Variants in PTGER3 observed in about 807,000 individuals in gnomAD.
The protein encoded by PTGER3 is prostaglandin E receptor 3, also known as prostaglandin E2 receptor EP3 subtype.
Under a neutral mutation model 34.7 loss-of-function variants are expected in PTGER3, and 22 were observed. The ratio of observed to expected loss-of-function variants is 0.63; its 90% CI spans 0.45 to 0.91. The LOEUF is 0.91. Among genes scored for constraint, PTGER3 ranks in the 40% least tolerant of loss-of-function variants. PTGER3 has a pLI of 0.00. For synonymous variants in PTGER3, 241 were observed against 230.1 expected (o/e 1.05, Z -0.43); for missense variants, 468 against 519.4 (o/e 0.90, Z 0.96).
At chr1:70,973,764 A>G (rs544200163) in intron 3 of PTGER3, among the ~76,000 whole-genome samples, 4 of 152,300 alleles carry the variant, frequency 2.6e-5, no homozygotes, top group African/African-American at 9.6e-5. Context: ...AGAAATACTA[A>G]AAAGAGGTGC....
At chr1:71,011,957 A>C (rs1657486561) in intron 2 of PTGER3, 1 of 1,286,586 alleles carries the variant, frequency 7.8e-7, no homozygotes. Flanking sequence ...TGTTTTCATC[A>C]CATAATTAAT....
chr1:70,954,655 T>C (rs765144411), intron 2 of PTGER3, among the ~76,000 whole-genome samples: 32 of 152,136 alleles, frequency 2.1e-4, no homozygotes, highest in Non-Finnish European at 4.1e-4. Flanking sequence ...GATTTCAAGT[T>C]TAATATCCTT....
chr1:70,894,124 G>A (rs1351705385), intron 4 of PTGER3, among the ~76,000 whole-genome samples: 11 of 151,758 alleles, frequency 7.2e-5, no homozygotes, highest in East Asian at 5.8e-4. Context: ...CCTGGCCAAC[G>A]TGGTGAAACT....
chr1:70,865,659 T>C (rs1200762250), intron 4 of PTGER3: 1 of 1,363,754 alleles, frequency 7.3e-7, no homozygotes, highest in Non-Finnish European at 9.8e-7. Flanking sequence ...TAAAAAGTCC[T>C]GTACTTGGCA....
chr1:70,999,732 A>T (rs1234544189), intron 2 of PTGER3, among the ~76,000 whole-genome samples: 1 of 152,214 alleles, frequency 6.6e-6, no homozygotes, highest in Non-Finnish European at 1.5e-5. Context: ...AAGGAAAAAT[A>T]AAAAAAGAGA....
intron 4 of PTGER3, among the ~76,000 whole-genome samples, chr1:70,855,266 A>C (rs767632699): frequency 6.6e-6 from 1 of 152,216 alleles, no homozygotes; most frequent in Non-Finnish European, 1.5e-5. Context: ...TAAGGCATCT[A>C]AATTGGTCCA....
At chr1:71,001,487 A>C (rs1014042037) in intron 2 of PTGER3, among the ~76,000 whole-genome samples, 4 of 152,340 alleles carry the variant, frequency 2.6e-5, no homozygotes, top group East Asian at 1.9e-4. Flanking sequence ...CATCTCATTC[A>C]GGAGAAAGAG....
chr1:70,885,284 T>C (rs949593610), intron 4 of PTGER3, among the ~76,000 whole-genome samples: 2 of 152,162 alleles, frequency 1.3e-5, no homozygotes, highest in African/African-American at 2.4e-5. Flanking sequence ...ACTCCATCCA[T>C]AAAAAATGTG....
At chr1:70,873,058 G>GATA (rs1244632715) in intron 4 of PTGER3, among the ~76,000 whole-genome samples, 2 of 151,882 alleles carry the variant, frequency 1.3e-5, no homozygotes, top group African/African-American at 4.8e-5. Context: ...GCATCCTCAG[G>GATA]ATAATAGTAG....
In PTGER3 at chr1:71,006,304, C is replaced by T. The variant is rs1477151255; in HGVS notation, c.1077+6001G>A. 3 of 985,282 alleles carry T rather than the reference C, an allele frequency of 3.0e-6. No homozygotes were observed. In the East Asian group the frequency reaches 3.4e-4, roughly 112 times the overall value. 61.0% of individuals were successfully genotyped at this position (985,282 alleles called of 1,614,324 possible). ...AAGAAAGAGGGATACTTTTAATGAG[C>T]TTGACTTTGCAGTCTACATTTGACA... On this transcript the variant is annotated intron_variant, in intron 2 of 3. Transcript: ENST00000306666.
At chr1:71,009,215 T>C (rs1489095025) in intron 2 of PTGER3, 1 of 985,198 alleles carries the variant, frequency 1.0e-6, no homozygotes, top group African/African-American at 1.7e-5. Context: ...GTTTTTAGTT[T>C]GTCTGTCACT....
intron 4 of PTGER3, among the ~76,000 whole-genome samples, chr1:70,884,851 C>A (rs2100232902): frequency 6.6e-6 from 1 of 152,268 alleles, no homozygotes; most frequent in Non-Finnish European, 1.5e-5. Flanking sequence ...GCATCATTTT[C>A]TGGCTGAGAT....
chr1:71,005,218 G>T (rs1272024522), intron 2 of PTGER3, among the ~76,000 whole-genome samples: 1 of 152,146 alleles, frequency 6.6e-6, no homozygotes, highest in East Asian at 1.9e-4. Context: ...GAGAAACCCT[G>T]CCCTAAAGCC....
At chr1:70,914,433 ACAT>A (rs1647129937) in intron 4 of PTGER3, among the ~76,000 whole-genome samples, 1 of 152,012 alleles carries the variant, frequency 6.6e-6, no homozygotes. Flanking sequence ...GCTATCAATG[ACAT>A]CATCATAACT....
intron 4 of PTGER3, among the ~76,000 whole-genome samples, chr1:70,937,386 T>G (rs1649325404): frequency 6.6e-6 from 1 of 152,174 alleles, no homozygotes; most frequent in Admixed American, 6.5e-5. Flanking sequence ...GGGGTTAAAT[T>G]GAATATGATG....
At chr1:70,891,766 A>C (rs1396695235) in intron 4 of PTGER3, among the ~76,000 whole-genome samples, 3 of 152,200 alleles carry the variant, frequency 2.0e-5, no homozygotes, top group East Asian at 3.8e-4. Flanking sequence ...ACTTTCTTGT[A>C]ATCTTAGTCA....
intron 4 of PTGER3, among the ~76,000 whole-genome samples, chr1:70,890,585 T>C (rs1572564301): frequency 6.6e-6 from 1 of 152,340 alleles, no homozygotes; most frequent in East Asian, 1.9e-4. Context: ...CTCAGCTGCA[T>C]GGTTCGTCTA....
At chr1:71,004,901 G>A (rs1656808475) in intron 2 of PTGER3, among the ~76,000 whole-genome samples, 1 of 152,190 alleles carries the variant, frequency 6.6e-6, no homozygotes. Context: ...GCTGCTTCAG[G>A]AAATGCCAGA....
At position 71,047,667 on chromosome 1, in the gene PTGER3, T is replaced by A; in HGVS notation, c.-90A>T. 7.1e-7 allele frequency: 1 copy of A among 1,409,526 alleles called. No homozygotes were observed. Among genetic ancestry groups the A allele is most frequent in the East Asian group, 2.5e-5 (1 of 39,294 alleles). 87.3% of individuals were successfully genotyped at this position (1,409,526 alleles called of 1,614,324 possible). ...GCGGGCGGCGGCGGAGGTCGGCGTT[T>A]ACCGCGGCTGGGGCTGGGCTGCCCC... On this transcript the variant is annotated 5_prime_UTR_variant, in exon 1 of 4. Transcript: ENST00000306666.
Sources: allele counts gnomAD v4.1 joint callset (sites outside exome capture counted in the v4.1 genomes callset), GRCh38; gene constraint gnomAD v4.1.1; transcripts MANE v1.5; gene names NCBI Gene and HGNC (gene_info 2026-07-23, HGNC 2026-07-21).